STK32A: variants seen among roughly 807,000 people sequenced by gnomAD.
The protein encoded by STK32A is serine/threonine kinase 32A.
In STK32A, 41 loss-of-function variants were observed where a neutral mutation model predicts 53.2. That is an observed-to-expected ratio of 0.77 (90% CI 0.60 to 1.00). The LOEUF (loss-of-function observed/expected upper bound fraction) is 1.00, where lower values mean the gene tolerates loss of function less well. Ranked by LOEUF, STK32A falls within the 50% of genes least tolerant of loss-of-function variation. The pLI, the probability that STK32A is intolerant of heterozygous loss-of-function variation, is 0.00. For missense variants in STK32A, 458 were observed against 485.8 expected, an observed-to-expected ratio of 0.94 and a Z score of 0.54; for synonymous variants, 166 against 162.8, an observed-to-expected ratio of 1.02 and a Z score of -0.15.
chr5:147,282,638 G>C (rs747248559), intron 4 of STK32A, among the ~76,000 whole-genome samples: 27 of 152,056 alleles, frequency 1.8e-4, no homozygotes, highest in Admixed American at 7.2e-4. Flanking sequence ...AGGAGGGGTA[G>C]CTATTCTTAT....
intron 6 of STK32A, among the ~76,000 whole-genome samples, chr5:147,345,862 C>T (rs1483756352): frequency 1.3e-5 from 2 of 152,054 alleles, no homozygotes; most frequent in Non-Finnish European, 2.9e-5. Flanking sequence ...TAAGAAGAGG[C>T]TTTTCTGTAT....
intron 7 of STK32A, 102 bp downstream of exon 7, chr5:147,351,256 T>C (rs1317466408): frequency 2.1e-6 from 2 of 968,710 alleles, no homozygotes; most frequent in Non-Finnish European, 3.1e-6. Context: ...GGTAAGTTCC[T>C]CTCTGACTTT....
At chr5:147,345,329 T>C (rs556433737) in intron 6 of STK32A, among the ~76,000 whole-genome samples, 103 of 152,344 alleles carry the variant, frequency 6.8e-4, no homozygotes, top group Non-Finnish European at 1.2e-3. Context: ...AAGTACTTGA[T>C]GCAATGACTG....
chr5:147,354,966 G>C (rs997809241), intron 7 of STK32A, among the ~76,000 whole-genome samples: 1 of 152,260 alleles, frequency 6.6e-6, no homozygotes, highest in South Asian at 2.1e-4. Context: ...CAGACGTATT[G>C]TGGGTAGAAG....
chr5:147,370,582 G>A, intron 8 of STK32A, 72 bp from the exon 9 acceptor site: 1 of 928,342 alleles, frequency 1.1e-6, no homozygotes, highest in Non-Finnish European at 1.7e-6. Flanking sequence ...AGTTTAGCTT[G>A]GAAACATTTG....
chr5:147,284,666 CAA>C (rs71001429), intron 4 of STK32A, among the ~76,000 whole-genome samples: 6 of 140,842 alleles, frequency 4.3e-5, no homozygotes, highest in Non-Finnish European at 7.8e-5. Context: ...ACAATAGCTG[CAA>C]AAAAAAACAA....
At chr5:147,392,635 A>T (rs1361765044), downstream of STK32A, 1 of 152,214 alleles carries the variant, frequency 6.6e-6, no homozygotes, top group Non-Finnish European at 1.5e-5. Flanking sequence ...AAGCAGCATG[A>T]TAGGGAAAGA....
At chr5:147,335,589 A>T (rs1755074708) in intron 5 of STK32A, among the ~76,000 whole-genome samples, 1 of 152,196 alleles carries the variant, frequency 6.6e-6, no homozygotes, top group South Asian at 2.1e-4. Context: ...CCAGGACAGC[A>T]AGGAAGCTTT....
chr5:147,337,005 A>G (rs1348899600), intron 5 of STK32A, among the ~76,000 whole-genome samples: 1 of 152,186 alleles, frequency 6.6e-6, no homozygotes, highest in Non-Finnish European at 1.5e-5. Flanking sequence ...GTACCGGTAT[A>G]GGATTGCAGG....
intron 2 of STK32A, among the ~76,000 whole-genome samples, chr5:147,245,783 A>C (rs17106248): frequency 6.6e-6 from 1 of 152,100 alleles, no homozygotes; most frequent in East Asian, 1.9e-4. Context: ...CAATTATTGC[A>C]TTATTCTTTG....
intron 4 of STK32A, among the ~76,000 whole-genome samples, chr5:147,305,756 G>T (rs539572808): frequency 8.6e-5 from 13 of 151,888 alleles, no homozygotes; most frequent in African/African-American, 3.1e-4. Context: ...ATACTCCATG[G>T]TTCATTTACG....
the STK32A span, chr5:147,397,885 G>GAAAGAGA: frequency 1.7e-6 from 1 of 580,706 alleles, no homozygotes; most frequent in Non-Finnish European, 2.2e-6. Flanking sequence ...AGTAAGGGTA[G>GAAAGAGA]AGAAAGAGGA....
At chr5:147,394,162 C>T in the STK32A span, 1 of 1,572,152 alleles carries the variant, frequency 6.4e-7, no homozygotes, top group Non-Finnish European at 8.7e-7. Context: ...AAAAAAAAAA[C>T]AGAGTGGCGG....
chr5:147,278,900 A>C (rs1751900514), intron 3 of STK32A, among the ~76,000 whole-genome samples: 1 of 152,140 alleles, frequency 6.6e-6, no homozygotes, highest in African/African-American at 2.4e-5. Context: ...TTGACAGTTC[A>C]GTCATGTCTA....
At chr5:147,240,916 G>T (rs2151937914) in intron 2 of STK32A, among the ~76,000 whole-genome samples, 1 of 152,250 alleles carries the variant, frequency 6.6e-6, no homozygotes, top group Middle Eastern at 3.4e-3. Flanking sequence ...CAGTGAGAAA[G>T]GTGGAAAGTA....
chr5:147,282,626 CG>C (rs1561691426), intron 4 of STK32A, among the ~76,000 whole-genome samples: 1 of 151,746 alleles, frequency 6.6e-6, no homozygotes, highest in African/African-American at 2.4e-5. Context: ...ACACCAAAAG[CG>C]AGGAGGGGTA....
chr5:147,374,930 C>T (rs999847132), intron 10 of STK32A, among the ~76,000 whole-genome samples, 160 bp from the exon 11 acceptor site: 3 of 152,052 alleles, frequency 2.0e-5, no homozygotes, highest in Non-Finnish European at 2.9e-5. Context: ...ATATGAAAAA[C>T]GATGCTGGCA....
At chr5:147,288,572 T>C (rs529792790) in intron 4 of STK32A, among the ~76,000 whole-genome samples, 1 of 152,160 alleles carries the variant, frequency 6.6e-6, no homozygotes, top group East Asian at 1.9e-4. Flanking sequence ...CTTCCAATCA[T>C]TGTGGAAGGC....
chr5:147,318,307 A>T (rs959143512), intron 4 of STK32A, among the ~76,000 whole-genome samples: 9 of 152,158 alleles, frequency 5.9e-5, no homozygotes, highest in African/African-American at 1.9e-4. Flanking sequence ...CTCATTTTTT[A>T]AAAATGCTGT....
Sources: gnomAD v4.1 joint callset for allele counts (sites outside exome capture counted in the v4.1 genomes callset) on GRCh38, gnomAD v4.1.1 for gene constraint, MANE v1.5 for transcripts, NCBI Gene and HGNC (gene_info 2026-07-23, HGNC 2026-07-21) for gene names.